Variants in SRGAP2B observed in about 807,000 individuals in gnomAD.
SRGAP2B encodes SLIT-ROBO Rho GTPase activating protein 2B.
A neutral mutation model predicts 22.2 loss-of-function variants in SRGAP2B; 9 were observed. That is an observed-to-expected ratio of 0.41 (90% confidence interval 0.24 to 0.71). SRGAP2B has a LOEUF of 0.71. Ranked by LOEUF, SRGAP2B falls within the 30% of genes least tolerant of loss-of-function variation. The pLI is 0.35. For synonymous variants in SRGAP2B, 36 were observed against 87.4 expected, an observed-to-expected ratio of 0.41 and a Z score of 3.28; for missense variants, 114 against 235.8, an observed-to-expected ratio of 0.48 and a Z score of 3.38.
At chr1:145,047,258 C>T (rs587629228) in intron 2 of SRGAP2B, among the ~76,000 whole-genome samples, 41 of 39,022 alleles carry the variant, frequency 1.1e-3, no homozygotes, top group African/African-American at 4.5e-3. Flanking sequence ...CTCAGCTACT[C>T]AAGGTCCACG....
At chr1:144,984,371 A>AAAC (rs1385718587) in intron 3 of SRGAP2B, among the ~76,000 whole-genome samples, 6 of 143,700 alleles carry the variant, frequency 4.2e-5, no homozygotes, top group East Asian at 2.0e-4. Flanking sequence ...ACAACAAAAA[A>AAAC]AAAAAAACAA....
At chr1:145,030,721 A>AAAATAT (rs1553625890) in intron 2 of SRGAP2B, among the ~76,000 whole-genome samples, 1 of 14,494 alleles carries the variant, frequency 6.9e-5, no homozygotes, top group Non-Finnish European at 1.1e-4. Context: ...AAAAAAAAAA[A>AAAATAT]ATATATATAT....
rs1187278982 is a variant in SRGAP2B at position 145,090,003 on chromosome 1, C to A, written c.67+2832G>T. Among the ~76,000 whole-genome samples the A allele has an allele frequency of 2.7e-4, 39 of 146,326 alleles. 3 individuals are homozygous for A. The highest frequency in any genetic ancestry group is 4.3e-4 in the Non-Finnish European group (29 of 67,784). On this transcript the variant is annotated intron_variant, in intron 2 of 9. Coordinates refer to ENST00000612199, the Ensembl canonical transcript of SRGAP2B. ...AGTGAAAGGCTATCTACTGGCAGAA[C>A]CAAGATTTAAACCTGAATCACTTTG...
intron 2 of SRGAP2B, among the ~76,000 whole-genome samples, chr1:145,089,471 A>T (rs1427057045): frequency 6.8e-6 from 1 of 147,480 alleles, no homozygotes; most frequent in Non-Finnish European, 1.5e-5. Context: ...ATCAAGGGAT[A>T]GGTAGGGTCC....
intron 2 of SRGAP2B, among the ~76,000 whole-genome samples, chr1:145,013,846 C>T (rs1432695926): frequency 6.6e-6 from 1 of 150,770 alleles, no homozygotes; most frequent in Non-Finnish European, 1.5e-5. Context: ...TGAGTATGCA[C>T]AACGATTAGG....
chr1:144,944,877 G>A lies in SRGAP2B; in HGVS notation c.423+10562C>T, dbSNP rs2747573. On this transcript the variant is annotated intron_variant, in intron 4 of 9. Coordinates refer to ENST00000612199, the Ensembl canonical transcript of SRGAP2B. ...CGGGTTCAAGTGATTCTCCTGCCTCGGCCTCCTGAGCAGCTGGGATTACAG... is the reference window on the plus strand; with the variant it reads ...CGGGTTCAAGTGATTCTCCTGCCTCAGCCTCCTGAGCAGCTGGGATTACAG... Among the ~76,000 whole-genome samples the A allele has an allele frequency of 7.4e-5, 11 of 148,254 alleles. No homozygotes were observed. The South Asian group carries it at 8.5e-4, about 11-fold the overall frequency.
intron 4 of SRGAP2B, among the ~76,000 whole-genome samples, chr1:144,944,186 C>T (rs1666294335): frequency 6.7e-6 from 1 of 150,350 alleles, no homozygotes; most frequent in Non-Finnish European, 1.5e-5. Context: ...GTTTCTATGA[C>T]ATATTATCTA....
chr1:145,083,253 C>CCAT (rs1399075098), intron 2 of SRGAP2B, among the ~76,000 whole-genome samples: 1 of 137,304 alleles, frequency 7.3e-6, no homozygotes, highest in Non-Finnish European at 1.5e-5. Flanking sequence ...GGAAGAGGAC[C>CCAT]CATTCCAAAG....
At chr1:144,988,999 C>CTTTTTTTTTTTTT (rs3062880) in intron 3 of SRGAP2B, among the ~76,000 whole-genome samples, 53 of 55,086 alleles carry the variant, frequency 9.6e-4, no homozygotes, top group East Asian at 1.9e-3. Context: ...ACTCCCCCCA[C>CTTTTTTTTTTTTT]TTTTTTTTTT....
chr1:145,061,595 T>A (rs1302462038), intron 2 of SRGAP2B, among the ~76,000 whole-genome samples: 7 of 150,128 alleles, frequency 4.7e-5, no homozygotes, highest in Non-Finnish European at 5.9e-5. Context: ...TCACTTTTTT[T>A]TCCCCCCTCT....
chr1:144,959,167 G>C (rs1667491976), intron 3 of SRGAP2B, among the ~76,000 whole-genome samples: 2 of 150,136 alleles, frequency 1.3e-5, no homozygotes, highest in Admixed American at 1.3e-4. Flanking sequence ...CAAGGGCCTA[G>C]GCTGGGTTCA....
intron 3 of SRGAP2B, among the ~76,000 whole-genome samples, chr1:144,984,327 A>G: frequency 7.9e-6 from 1 of 127,182 alleles, no homozygotes; most frequent in East Asian, 2.3e-4. Flanking sequence ...TCTAAAAAAA[A>G]ACCCAAACAA....
chr1:145,007,408 A>C (rs1390178338), intron 2 of SRGAP2B, among the ~76,000 whole-genome samples: 3 of 150,900 alleles, frequency 2.0e-5, no homozygotes, highest in Non-Finnish European at 4.4e-5. Flanking sequence ...ACCTTCACCA[A>C]ATTAAGAATC....
intron 4 of SRGAP2B, among the ~76,000 whole-genome samples, chr1:144,939,264 G>A (rs1319902461): frequency 6.9e-6 from 1 of 143,992 alleles, no homozygotes; most frequent in Non-Finnish European, 1.5e-5. Flanking sequence ...AAAGGAACTT[G>A]GAATCAGATA....
chr1:145,025,910 C>T (rs376619717), intron 2 of SRGAP2B, among the ~76,000 whole-genome samples: 27 of 150,750 alleles, frequency 1.8e-4, no homozygotes, highest in African/African-American at 4.4e-4. Flanking sequence ...AACGCTTTAA[C>T]GCAATGGTCT....
intron 3 of SRGAP2B, among the ~76,000 whole-genome samples, chr1:144,966,462 G>A (rs587607394): frequency 6.8e-6 from 1 of 147,302 alleles, no homozygotes; most frequent in East Asian, 1.9e-4. Flanking sequence ...GTCACCACCA[G>A]GCCTGCCCTA....
chr1:144,929,334 TC>T (rs1357631761), intron 4 of SRGAP2B, among the ~76,000 whole-genome samples: 2 of 149,054 alleles, frequency 1.3e-5, no homozygotes, highest in African/African-American at 5.1e-5. Context: ...ATTTATTTTT[TC>T]TTTTGTCGCT....
Position 145,079,873 on chromosome 1 carries a change from C to A in SRGAP2B, c.67+12962G>T. 1.3e-5 allele frequency among the ~76,000 whole-genome samples: 2 copies of A among 149,462 alleles called. 1 individual carries two copies. The highest frequency in any genetic ancestry group is 3.0e-5 in the Non-Finnish European group (2 of 67,668). On this transcript the variant is annotated intron_variant, in intron 2 of 9. Coordinates refer to ENST00000612199, the Ensembl canonical transcript of SRGAP2B. Reference sequence around the variant, plus strand: ...GAGGCCACTCCACATCCTAAAAGAGCCTGAAGTCACTTCCCGAACAACCCA... The same window carrying A: ...GAGGCCACTCCACATCCTAAAAGAGACTGAAGTCACTTCCCGAACAACCCA...
chr1:145,009,642 T>TG lies in SRGAP2B; in HGVS notation c.68-14443dup, dbSNP rs1317746474. Among the ~76,000 whole-genome samples the TG allele has an allele frequency of 4.7e-5, 7 of 147,498 alleles. No homozygotes were observed. In the South Asian group the frequency reaches 8.4e-4, roughly 18 times the overall value. ...GCTGATGATTATCAAAGTAGCATGA[T>TG]GGGTACATGAGAATCCATAACACTA... is the stretch of plus-strand genomic sequence containing the variant. On this transcript the variant is annotated intron_variant, in intron 2 of 9. Coordinates refer to ENST00000612199, the Ensembl canonical transcript of SRGAP2B.
Sources: allele counts gnomAD v4.1 joint callset (sites outside exome capture counted in the v4.1 genomes callset), GRCh38; gene constraint gnomAD v4.1.1; transcripts MANE v1.5; gene names NCBI Gene and HGNC (gene_info 2026-07-23, HGNC 2026-07-21).